The following KCNN2 variants were observed in gnomAD, a reference collection of about 807,000 sequenced individuals.
KCNN2 encodes the protein potassium calcium-activated channel subfamily N member 2, also known as small conductance calcium-activated potassium channel protein 2.
A neutral mutation model predicts 55.5 loss-of-function variants in KCNN2; 24 were observed. That is an observed-to-expected ratio of 0.43 (90% confidence interval 0.31 to 0.61). KCNN2 has a LOEUF of 0.61. Among genes scored for constraint, KCNN2 ranks in the 20% least tolerant of loss-of-function variants. The pLI, the probability that KCNN2 is intolerant of heterozygous loss-of-function variation, is 0.08. For synonymous variants in KCNN2, 431 were observed against 336.1 expected, an observed-to-expected ratio of 1.28 and a Z score of -3.09; for missense variants, 754 against 853.6, an observed-to-expected ratio of 0.88 and a Z score of 1.45.
chr5:114,159,824 G>T (rs925383737), intron 1 of KCNN2, among the ~76,000 whole-genome samples: 3 of 152,168 alleles, frequency 2.0e-5, no homozygotes, highest in African/African-American at 7.2e-5. Flanking sequence ...ATGGTAGTTT[G>T]TATTTCTGTG....
intron 2 of KCNN2, among the ~76,000 whole-genome samples, chr5:114,226,744 A>G (rs1256923618): frequency 1.3e-5 from 2 of 152,016 alleles, no homozygotes; most frequent in Non-Finnish European, 2.9e-5. Flanking sequence ...TACTAAAAAT[A>G]CAAAAAATCA....
chr5:114,085,977 T>A (rs2112547624), intron 1 of KCNN2, among the ~76,000 whole-genome samples: 1 of 152,282 alleles, frequency 6.6e-6, no homozygotes, highest in African/African-American at 2.4e-5. Context: ...CAGCATAAAA[T>A]ATCAGTCTTT....
Position 114,241,704 on chromosome 5 carries a change from G to GGA in KCNN2, c.-185+20140_-185+20141dup, listed in dbSNP as rs558670371. On this transcript the variant is annotated intron_variant, in intron 2 of 10. Coordinates refer to the KCNN2 transcript ENST00000512097. ...ATAAAATTTACGAGAATATATATGT[G>GGA]GATATATATATATATACGTATATAT... Among the ~76,000 whole-genome samples the GGA allele has an allele frequency of 9.9e-3, 616 of 62,252 alleles. 88 individuals are homozygous for GGA. The highest frequency in any genetic ancestry group is 0.014 in the Non-Finnish European group (375 of 27,760). The allele number at this position is 62,252 out of a possible 152,430, so 40.8% of individuals were successfully genotyped here.
chr5:114,374,301 T>G (rs1008799011), intron 2 of KCNN2, among the ~76,000 whole-genome samples: 1 of 152,154 alleles, frequency 6.6e-6, no homozygotes, highest in Non-Finnish European at 1.5e-5. Context: ...GATGGAAAAT[T>G]CTGGTATTAA....
At chr5:114,117,004 A>G (rs1188106926) in intron 1 of KCNN2, among the ~76,000 whole-genome samples, 2 of 152,094 alleles carry the variant, frequency 1.3e-5, no homozygotes, top group Non-Finnish European at 2.9e-5. Context: ...CTCTGCTTGT[A>G]AGAAGGCTCG....
At chr5:114,179,516 A>C (rs1380859812) in intron 1 of KCNN2, among the ~76,000 whole-genome samples, 1 of 152,238 alleles carries the variant, frequency 6.6e-6, no homozygotes, top group Non-Finnish European at 1.5e-5. Context: ...GAACAAGCCT[A>C]AGGTCACTGA....
At chr5:114,442,735 G>A (rs1007566377) in intron 3 of KCNN2, among the ~76,000 whole-genome samples, 13 of 152,152 alleles carry the variant, frequency 8.5e-5, no homozygotes, top group Non-Finnish European at 1.8e-4. Flanking sequence ...TAACAGCAGT[G>A]CAGGGACTAA....
intron 1 of KCNN2, among the ~76,000 whole-genome samples, chr5:114,105,116 C>G (rs901912705): frequency 1.3e-5 from 2 of 152,042 alleles, no homozygotes; most frequent in African/African-American, 2.4e-5. Flanking sequence ...AGCGTATTCT[C>G]TGATAAATCC....
At chr5:114,086,842 T>G (rs1019102292) in intron 1 of KCNN2, among the ~76,000 whole-genome samples, 6 of 152,188 alleles carry the variant, frequency 3.9e-5, no homozygotes, top group Non-Finnish European at 8.8e-5. Flanking sequence ...TTTTAAGTTC[T>G]TTGAGAAATC....
intron 3 of KCNN2, among the ~76,000 whole-genome samples, chr5:114,424,167 A>G (rs1176136453): frequency 6.6e-6 from 1 of 152,240 alleles, no homozygotes; most frequent in African/African-American, 2.4e-5. Flanking sequence ...TACCATAACT[A>G]TGGATAATAA....
chr5:114,458,178 A>G (rs1761016612), intron 3 of KCNN2, among the ~76,000 whole-genome samples: 4 of 152,194 alleles, frequency 2.6e-5, no homozygotes, highest in Admixed American at 2.6e-4. Flanking sequence ...GATCACATGC[A>G]TTTACATCTC....
chr5:114,131,077 G>A (rs922907279), intron 1 of KCNN2, among the ~76,000 whole-genome samples: 6 of 151,978 alleles, frequency 3.9e-5, no homozygotes, highest in African/African-American at 1.4e-4. Context: ...CTAAGCCATT[G>A]AAAGCACAAT....
chr5:114,082,937 G>T (rs1327134567), intron 1 of KCNN2, among the ~76,000 whole-genome samples: 3 of 152,038 alleles, frequency 2.0e-5, no homozygotes, highest in Admixed American at 6.6e-5. Context: ...TTTTTAACAG[G>T]TATAAAGTTT....
intron 1 of KCNN2, among the ~76,000 whole-genome samples, chr5:114,086,302 T>A (rs1235632284): frequency 6.6e-6 from 1 of 151,962 alleles, no homozygotes; most frequent in African/African-American, 2.4e-5. Flanking sequence ...TTATTTTAGA[T>A]TTGGGGGTAT....
chr5:114,099,724 A>G (rs564154633), intron 1 of KCNN2, among the ~76,000 whole-genome samples: 4 of 152,190 alleles, frequency 2.6e-5, no homozygotes, highest in African/African-American at 9.6e-5. Flanking sequence ...TTTGGACCAG[A>G]TTGCTTTTCT....
At chr5:114,487,240 T>A (rs1440662513) in intron 6 of KCNN2, 63 bp downstream of exon 6, 1 of 1,431,560 alleles carries the variant, frequency 7.0e-7, no homozygotes, top group African/African-American at 1.4e-5. Flanking sequence ...TTTGCACTTG[T>A]TTATTCTTGT....
intron 1 of KCNN2, among the ~76,000 whole-genome samples, chr5:114,091,675 G>A (rs1036794619): frequency 2.0e-5 from 3 of 152,108 alleles, no homozygotes; most frequent in African/African-American, 7.2e-5. Context: ...ATTGTGGCTG[G>A]GAAACTTATA....
At chr5:114,169,196 A>C (rs929624270) in intron 1 of KCNN2, among the ~76,000 whole-genome samples, 2 of 152,084 alleles carry the variant, frequency 1.3e-5, no homozygotes, top group Non-Finnish European at 2.9e-5. Flanking sequence ...TTCTTCATAA[A>C]TTACCCAGTC....
At chr5:114,118,090 C>T (rs564895270) in intron 1 of KCNN2, among the ~76,000 whole-genome samples, 1 of 152,220 alleles carries the variant, frequency 6.6e-6, no homozygotes, top group African/African-American at 2.4e-5. Flanking sequence ...ATAGCTAGCA[C>T]AACTGTACAG....
Sources: allele counts gnomAD v4.1 joint callset (sites outside exome capture counted in the v4.1 genomes callset), GRCh38; gene constraint gnomAD v4.1.1; transcripts MANE v1.5; gene names NCBI Gene and HGNC (gene_info 2026-07-23, HGNC 2026-07-21).